NAALADL2: variants seen among roughly 807,000 people sequenced by gnomAD.
NAALADL2 encodes N-acetylated alpha-linked acidic dipeptidase like 2.
In NAALADL2, 76 loss-of-function variants were observed where a neutral mutation model predicts 87.2. The ratio of observed to expected loss-of-function variants is 0.87; its 90% CI spans 0.72 to 1.05. The LOEUF is 1.05. Among genes scored for constraint, NAALADL2 ranks in the 50% least tolerant of loss-of-function variants. NAALADL2 has a pLI of 0.00. For synonymous variants in NAALADL2, 354 were observed against 331.0 expected (o/e 1.07, Z -0.75); for missense variants, 1,089 against 945.8 (o/e 1.15, Z -1.99).
At position 175,810,229 on chromosome 3, in the gene NAALADL2, A is replaced by G. The variant is rs1755065415; in HGVS notation, c.*7026A>G. The stretch of plus-strand genomic sequence containing the variant: ...GCCCATCAGATATTTAGTGCATTCT[A>G]TATTTAGCCCAAGTGTGATCACAAT... On this transcript the variant is annotated 3_prime_UTR_variant, in exon 14 of 14. Coordinates refer to ENST00000454872, the MANE Select transcript of NAALADL2 (RefSeq NM_207015.3). 6.6e-6 allele frequency: 1 copy of G among 152,000 alleles called. No homozygotes were observed. Among genetic ancestry groups the G allele is most frequent in the Non-Finnish European group, 1.5e-5 (1 of 67,960 alleles). The allele number at this position is 152,000 out of a possible 1,614,324, so 9.4% of individuals were successfully genotyped here.
At chr3:174,898,112 C>CAAA (rs913382744) in intron 1 of NAALADL2, among the ~76,000 whole-genome samples, 274 of 14,498 alleles carry the variant, frequency 0.019, 65 homozygotes, top group East Asian at 0.1. Flanking sequence ...GACTCCGTCT[C>CAAA]AAAAAAAAAA....
chr3:174,732,329 G>C (rs531741294), intron 2 of NAALADL2, among the ~76,000 whole-genome samples: 1 of 152,084 alleles, frequency 6.6e-6, no homozygotes, highest in Non-Finnish European at 1.5e-5. Flanking sequence ...TGGAAAATAA[G>C]TAGAAACTAG....
chr3:174,478,115 TA>T (rs1287856741), intron 1 of NAALADL2, among the ~76,000 whole-genome samples: 1 of 152,192 alleles, frequency 6.6e-6, no homozygotes. Flanking sequence ...ATACAAAATT[TA>T]AAATTACTTT....
At chr3:174,586,425 A>T (rs930158108) in intron 2 of NAALADL2, among the ~76,000 whole-genome samples, 1 of 152,184 alleles carries the variant, frequency 6.6e-6, no homozygotes, top group African/African-American at 2.4e-5. Flanking sequence ...ACTCCTGCTA[A>T]CTTCAGTATG....
intron 13 of NAALADL2, among the ~76,000 whole-genome samples, chr3:175,767,194 A>T (rs1748823711): frequency 6.6e-6 from 1 of 151,896 alleles, no homozygotes; most frequent in Non-Finnish European, 1.5e-5. Context: ...ACACAAGACT[A>T]CAGCATTTTT....
At chr3:175,579,025 A>G (rs368251209) in intron 10 of NAALADL2, among the ~76,000 whole-genome samples, 1 of 152,318 alleles carries the variant, frequency 6.6e-6, no homozygotes, top group African/African-American at 2.4e-5. Context: ...GACTGAGCTC[A>G]TTATCTCTGC....
chr3:174,992,328 T>C (rs542588066), intron 1 of NAALADL2, among the ~76,000 whole-genome samples: 22 of 152,236 alleles, frequency 1.4e-4, no homozygotes, highest in Admixed American at 3.3e-4. Flanking sequence ...CATTGTTGAT[T>C]TGAAGCAACG....
chr3:175,603,773 A>C (rs893213558), intron 10 of NAALADL2, among the ~76,000 whole-genome samples: 1 of 152,046 alleles, frequency 6.6e-6, no homozygotes, highest in Non-Finnish European at 1.5e-5. Flanking sequence ...TGCTGTGAAC[A>C]TGGATATAAA....
chr3:174,580,257 C>T (rs542475140), intron 2 of NAALADL2, among the ~76,000 whole-genome samples: 3 of 151,862 alleles, frequency 2.0e-5, no homozygotes, highest in South Asian at 2.1e-4. Context: ...AACATTTGTA[C>T]GTTTTTTCAT....
intron 3 of NAALADL2, among the ~76,000 whole-genome samples, chr3:174,749,778 C>G (rs1734640130): frequency 6.6e-6 from 1 of 152,104 alleles, no homozygotes; most frequent in Admixed American, 6.6e-5. Context: ...ATAATTGGCA[C>G]TCAACATACC....
chr3:175,101,874 A>G (rs1038408514), intron 2 of NAALADL2, among the ~76,000 whole-genome samples: 5 of 152,196 alleles, frequency 3.3e-5, no homozygotes, highest in Non-Finnish European at 5.9e-5. Context: ...TAATGGAAAG[A>G]TCATTATGGT....
chr3:175,141,038 T>C (rs1940626044), intron 2 of NAALADL2, among the ~76,000 whole-genome samples: 1 of 152,114 alleles, frequency 6.6e-6, no homozygotes, highest in Non-Finnish European at 1.5e-5. Context: ...CAAAATATCA[T>C]GGAGGATAAA....
At chr3:175,725,684 C>T (rs1438568204) in intron 11 of NAALADL2, among the ~76,000 whole-genome samples, 2 of 152,150 alleles carry the variant, frequency 1.3e-5, no homozygotes, top group Non-Finnish European at 2.9e-5. Context: ...TCCAGATCTG[C>T]AGCCAGAATG....
intron 1 of NAALADL2, among the ~76,000 whole-genome samples, chr3:175,063,328 A>G (rs1380508198): frequency 6.6e-6 from 1 of 152,168 alleles, no homozygotes; most frequent in Admixed American, 6.5e-5. Flanking sequence ...GTTGCTTAAT[A>G]TAGGTAATTT....
At chr3:174,553,109 T>C (rs1455196686) in intron 2 of NAALADL2, among the ~76,000 whole-genome samples, 1 of 152,206 alleles carries the variant, frequency 6.6e-6, no homozygotes, top group African/African-American at 2.4e-5. Context: ...TCTATTTCAT[T>C]CAGCACTTAT....
chr3:175,437,684 T>A (rs919643972), intron 5 of NAALADL2, among the ~76,000 whole-genome samples: 1 of 151,548 alleles, frequency 6.6e-6, no homozygotes, highest in Non-Finnish European at 1.5e-5. Flanking sequence ...GGCATCACAC[T>A]ACCTGACTTC....
chr3:175,127,272 G>A (rs1338532278), intron 2 of NAALADL2, among the ~76,000 whole-genome samples: 1 of 152,148 alleles, frequency 6.6e-6, no homozygotes, highest in Non-Finnish European at 1.5e-5. Context: ...TTAGGTCATA[G>A]ATTATATCCC....
intron 13 of NAALADL2, chr3:175,773,600 C>G (rs1000857009): frequency 1.3e-5 from 2 of 152,074 alleles, no homozygotes; most frequent in African/African-American, 4.8e-5. Flanking sequence ...TCCTCTTGAT[C>G]GTAGCTCTCT....
rs773868319 is a variant in NAALADL2, at chr3:175,435,122, G to A, written c.1091-12107G>A. Among the ~76,000 whole-genome samples the A allele has an allele frequency of 1.1e-3, 161 of 151,984 alleles. 1 individual carries two copies. Among genetic ancestry groups the A allele is most frequent in the Admixed American group, 0.01 (159 of 15,230 alleles). On this transcript the variant is annotated intron_variant, in intron 5 of 13. Coordinates refer to ENST00000454872, the MANE Select transcript of NAALADL2 (RefSeq NM_207015.3). The stretch of plus-strand genomic sequence containing the variant: ...TTATCAGTATCTAAATATTACCACT[G>A]CTGCTATAAATCTTAATTTTCACTG...
Sources: allele counts gnomAD v4.1 joint callset (sites outside exome capture counted in the v4.1 genomes callset), GRCh38; gene constraint gnomAD v4.1.1; transcripts MANE v1.5; gene names NCBI Gene and HGNC (gene_info 2026-07-23, HGNC 2026-07-21).